The following KLK11 variants were observed in gnomAD, a reference collection of about 807,000 sequenced individuals.
KLK11 encodes the protein kallikrein-11.
Under a neutral mutation model 23.4 loss-of-function variants are expected in KLK11, and 10 were observed. The ratio of observed to expected loss-of-function variants is 0.43; its 90% CI spans 0.26 to 0.73. The LOEUF (loss-of-function observed/expected upper bound fraction) is 0.73, where lower values mean the gene tolerates loss of function less well. Ranked by LOEUF, KLK11 falls within the 30% of genes least tolerant of loss-of-function variation. The probability of loss-of-function intolerance (pLI) is 0.22; values close to 1 mark genes in which losing one functional copy is unlikely to be tolerated. For synonymous variants in KLK11, 131 were observed against 131.7 expected (o/e 0.99, Z 0.03); for missense variants, 285 against 327.8 (o/e 0.87, Z 1.01).
chr19:51,024,811 C>T lies in KLK11; in HGVS notation c.41-17G>A, dbSNP rs369745560. On this transcript the variant is annotated splice_polypyrimidine_tract_variant and intron_variant, in intron 2 of 5. Transcript: ENST00000453757. This position sits in a 1 kb window ranked among gnomAD's most constrained non-coding sequence, Gnocchi z 6.2. The stretch of plus-strand genomic sequence containing the variant: ...CTACAAGCCCTGGAGGGGGTGAGAG[C>T]AAAAGAAGGGGCTCAGGAAGGAGAG... 2.0e-5 allele frequency: 31 copies of T among 1,543,364 alleles called. No homozygotes were observed. The highest frequency in any genetic ancestry group is 2.5e-5 in the Non-Finnish European group (29 of 1,153,016).
At position 51,025,991 on chromosome 19, in the gene KLK11, G is replaced by A. The variant is rs1469833002; in HGVS notation, c.-35-325C>T. Among the ~76,000 whole-genome samples the A allele has an allele frequency of 6.6e-6, 1 of 152,150 alleles. No homozygotes were observed. Among genetic ancestry groups the A allele is most frequent in the African/African-American group, 2.4e-5 (1 of 41,440 alleles). ...TCAAGTCAGCCATGGGACCTCCCCG[G>A]CACATGTCAGAGGATGTTTTCCTTC... On this transcript the variant is annotated intron_variant, in intron 1 of 5. Coordinates refer to ENST00000453757, the MANE Select transcript of KLK11 (RefSeq NM_001136032.3). The surrounding 1 kb of genome is among the most constrained non-coding windows in gnomAD (Gnocchi z 6.2).
Position 51,022,693 on chromosome 19 carries a change from T to G in KLK11, c.605A>C (p.Asp202Ala). The G allele has an allele frequency of 6.2e-7, 1 of 1,612,476 alleles. No individual in the cohort carries two copies. Among genetic ancestry groups the G allele is most frequent in the South Asian group, 1.1e-5 (1 of 90,992 alleles). The change falls in exon 6 of 6, where the codon GAC becomes GCC. Residue 202 changes from aspartate (D) to alanine (A), a missense_variant. Transcript: ENST00000453757. ...QEGGKDSCQGDSGGPLVCNQS... is the reference protein window; with the variant it reads ...QEGGKDSCQGASGGPLVCNQS... The stretch of plus-strand genomic sequence containing the variant: ...GTTACAGACCAGAGGGCCCCCGGAG[T>G]CACCCTGGGCACGGGGAGAGAGAAT...
intron 4 of KLK11, 113 bp downstream of exon 4, chr19:51,023,932 A>C: frequency 1.0e-6 from 1 of 979,418 alleles, no homozygotes; most frequent in Non-Finnish European, 1.4e-6. Context: ...ACATCCTCTC[A>C]ACTTATCCCA....
rs2091453246 is a variant in KLK11, at chr19:51,024,609, C to A, written c.197+29G>T. ...CATCTCCCCATTCCCAGCCCCCCAC[C>A]CCGGCACCGCCCCAGCCCCCGCACC... On this transcript the variant is annotated intron_variant, in intron 3 of 5. Coordinates refer to ENST00000453757, the MANE Select transcript of KLK11 (RefSeq NM_001136032.3). This position sits in a 1 kb window ranked among gnomAD's most constrained non-coding sequence, Gnocchi z 6.2. 6.7e-7 allele frequency: 1 copy of A among 1,481,772 alleles called. No homozygotes were observed. Among genetic ancestry groups the A allele is most frequent in the Non-Finnish European group, 9.0e-7 (1 of 1,114,176 alleles). The allele number at this position is 1,481,772 out of a possible 1,614,324, so 91.8% of individuals were successfully genotyped here. A position where few individuals can be genotyped will look rare whatever the true frequency, so the allele number is the denominator to read the frequency against.
chr19:51,023,249 G>A lies in KLK11; in HGVS notation c.464-21C>T, dbSNP rs756728147. 1.9e-5 allele frequency: 30 copies of A among 1,609,182 alleles called. No individual in the cohort carries two copies. In the African/African-American group the frequency reaches 3.2e-4, roughly 17 times the overall value. ...GCGTACTGTGGAAACAGCGTGAGGGGCTGTGGGAATGAGCCCCCTGCCACC... is the reference window on the plus strand; with the variant it reads ...GCGTACTGTGGAAACAGCGTGAGGGACTGTGGGAATGAGCCCCCTGCCACC... On this transcript the variant is annotated intron_variant, in intron 4 of 5. Transcript: ENST00000453757.
At position 51,025,375 on chromosome 19, in the gene KLK11, C is replaced by G. The variant is rs1056645602; in HGVS notation, c.40+217G>C. ...AACTCCAGCTTCCTCAGCCCCTCCA[C>G]GGGACCCTTTACGACCCCCTTGACC... On this transcript the variant is annotated intron_variant, in intron 2 of 5. Transcript: ENST00000453757. The surrounding 1 kb of genome is among the most constrained non-coding windows in gnomAD (Gnocchi z 6.2). Among the ~76,000 whole-genome samples, 1 of 152,136 alleles carries G rather than the reference C, an allele frequency of 6.6e-6. No homozygotes were observed. The highest frequency in any genetic ancestry group is 1.5e-5 in the Non-Finnish European group (1 of 68,028).
At chr19:51,027,289 G>T, upstream of KLK11, 2 of 675,492 alleles carry the variant, frequency 3.0e-6, no homozygotes, top group Non-Finnish European at 5.1e-6. Context: ...AGGACCGGAG[G>T]GTGGGGGAGG....
chr19:51,025,831 A>C lies in KLK11; in HGVS notation c.-35-165T>G. On this transcript the variant is annotated intron_variant, in intron 1 of 5. Transcript: ENST00000453757. The surrounding 1 kb of genome is among the most constrained non-coding windows in gnomAD (Gnocchi z 6.2). ...TCTCACAGCACTCAGATCTCCAAAC[A>C]CTTAAAATATATCTTAGGTGTCTAG... 1 of 495,736 alleles carries C rather than the reference A, an allele frequency of 2.0e-6. No homozygotes were observed. The highest frequency in any genetic ancestry group is 3.6e-6 in the Non-Finnish European group (1 of 278,070). 30.7% of individuals were successfully genotyped at this position (495,736 alleles called of 1,614,324 possible). A position where few individuals can be genotyped will look rare whatever the true frequency, so the allele number is the denominator to read the frequency against.
rs762293192 is a variant in KLK11 at position 51,024,402 on chromosome 19, C to G, written c.198-92G>C. 8 of 1,547,692 alleles carry G rather than the reference C, an allele frequency of 5.2e-6. 1 individual carries two copies. The highest frequency in any genetic ancestry group is 5.2e-6 in the Non-Finnish European group (6 of 1,145,410). ...GACACCTTTGAGGATGAAGAAACATCGCTCTGCTTCCAACCTCTTCCACGT... is the reference window on the plus strand; with the variant it reads ...GACACCTTTGAGGATGAAGAAACATGGCTCTGCTTCCAACCTCTTCCACGT... On this transcript the variant is annotated intron_variant, in intron 3 of 5. Transcript: ENST00000453757. The surrounding 1 kb of genome is among the most constrained non-coding windows in gnomAD (Gnocchi z 6.2).
Position 51,024,186 on chromosome 19 carries a change from G to A in KLK11, c.322C>T (p.Arg108Cys), listed in dbSNP as rs757800111. The A allele has an allele frequency of 1.7e-5, 27 of 1,613,948 alleles. No individual in the cohort carries two copies. The East Asian group carries it at 3.6e-4, about 21-fold the overall frequency. ...ATCTTCACCAGCATGATGTCATTGC[G>A]GTGGTCTTTGTTGGGGAGGCTGTTG... The part of the protein sequence containing the change: ...FNNSLPNKDH[R>C]NDIMLVKMAS... The change falls in exon 4 of 6, where the codon CGC becomes TGC. Residue 108 changes from arginine to cysteine, a missense_variant. Transcript: ENST00000453757. This position sits in a 1 kb window ranked among gnomAD's most constrained non-coding sequence, Gnocchi z 6.2.
rs1171226580 is a variant in KLK11, at chr19:51,025,592, C to G, written c.40G>C (p.Gly14Arg). 6.3e-6 allele frequency: 10 copies of G among 1,577,312 alleles called. No individual in the cohort carries two copies. Among genetic ancestry groups the G allele is most frequent in the Non-Finnish European group, 8.6e-6 (10 of 1,160,246 alleles). Residue 14 changes from glycine (G) to arginine (R), a missense_variant and splice_region_variant, in exon 2 of 6, where the codon GGG (glycine) becomes CGG (arginine). Physicochemically the swap from Gly to Arg is moderately radical, Grantham distance 125. Transcript: ENST00000453757. This position sits in a 1 kb window ranked among gnomAD's most constrained non-coding sequence, Gnocchi z 6.2. ...TGCCCTGCCCCCATCCCCTGCGTAC[C>G]TGTTGCCAGAGCAAGCAGGATTAAC... ...LQLILLALAT[G>R]LVGGETRIIK...
In KLK11 at chr19:51,023,147, A is replaced by T; in HGVS notation, c.545T>A (p.Ile182Asn). ...GCTGGCACACACCATGGTGTCTGTGATGTTGCCGGGGTAGGCGTTCTCACA... is the reference window on the plus strand; with the variant it reads ...GCTGGCACACACCATGGTGTCTGTGTTGTTGCCGGGGTAGGCGTTCTCACA... The part of the protein sequence containing the change: ...QKCENAYPGN[I>N]TDTMVCASVQ... The change falls in exon 5 of 6, where the codon ATC becomes AAC. Residue 182 changes from isoleucine to asparagine, a missense_variant. Ile to Asn is a moderately radical substitution (Grantham distance 149). Coordinates refer to ENST00000453757, the MANE Select transcript of KLK11 (RefSeq NM_001136032.3). 6.2e-7 allele frequency: 1 copy of T among 1,613,470 alleles called. No individual in the cohort carries two copies. The highest frequency in any genetic ancestry group is 8.5e-7 in the Non-Finnish European group (1 of 1,179,808).
In KLK11 at chr19:51,024,757, G is replaced by C. The variant is rs769371815; in HGVS notation, c.78C>G (p.Phe26Leu). Residue 26 changes from phenylalanine (F) to leucine (L), a missense_variant, in exon 3 of 6, where the codon TTC (phenylalanine) becomes TTG (leucine). Phe to Leu is a conservative substitution (Grantham distance 22, BLOSUM62 0). Transcript: ENST00000453757. This position sits in a 1 kb window ranked among gnomAD's most constrained non-coding sequence, Gnocchi z 6.2. ...VGGETRIIKG[F>L]ECKPHSQPWQ... ...AGGGCTGGGAGTGAGGCTTGCACTC[G>C]AACCCCTTGATGATCCTGGTCTCTC... 3 of 1,601,722 alleles carry C rather than the reference G, an allele frequency of 1.9e-6. No homozygotes were observed. The African/African-American group carries it at 4.1e-5, about 22-fold the overall frequency.
Position 51,022,554 on chromosome 19 carries a change from C to T in KLK11, c.744G>A (p.Lys248=), listed in dbSNP as rs536134916. The change falls in exon 6 of 6, where the codon AAG becomes AAA. Residue 248 remains lysine, a synonymous_variant. Coordinates refer to ENST00000453757, the MANE Select transcript of KLK11 (RefSeq NM_001136032.3). ...KYVDWIQETM[K]NN ...GGTGGGTGGGTCCAGTCTAATTGTT[C>T]TTCATCGTCTCCTGGATCCAGTCCA... The T allele has an allele frequency of 6.2e-7, 1 of 1,614,070 alleles. No individual in the cohort carries two copies.
intron 4 of KLK11, 66 bp from the exon 5 acceptor site, chr19:51,023,294 C>A: frequency 6.4e-7 from 1 of 1,562,182 alleles, no homozygotes; most frequent in Non-Finnish European, 8.7e-7. Context: ...GCAGTGCTTG[C>A]TGTGATCCCG....
chr19:51,027,444 G>A (rs779255686), upstream of KLK11: 1 of 1,613,542 alleles, frequency 6.2e-7, no homozygotes, highest in Admixed American at 1.7e-5. Context: ...CCCGAGTCCA[G>A]CTGTTCACTT....
rs949356734 is a variant in KLK11 at position 51,026,474 on chromosome 19, G to A, written c.-36+64C>T. 6 of 733,766 alleles carry A rather than the reference G, an allele frequency of 8.2e-6. No homozygotes were observed. The African/African-American group carries it at 1.1e-4, about 14-fold the overall frequency. The allele number at this position is 733,766 out of a possible 1,614,324, so 45.5% of individuals were successfully genotyped here. Reference sequence around the variant, plus strand: ...AGAAATGGGTGCCCGAGTGGGACAGGTGTCCTTGGGGAGGGCTGACACCTG... The same window carrying A: ...AGAAATGGGTGCCCGAGTGGGACAGATGTCCTTGGGGAGGGCTGACACCTG... On this transcript the variant is annotated intron_variant, in intron 1 of 5. Transcript: ENST00000453757.
In KLK11 at chr19:51,025,026, G is replaced by A. The variant is rs1279825242; in HGVS notation, c.41-232C>T. Among the ~76,000 whole-genome samples, 1 of 152,172 alleles carries A rather than the reference G, an allele frequency of 6.6e-6. No individual in the cohort carries two copies. The highest frequency in any genetic ancestry group is 2.4e-5 in the African/African-American group (1 of 41,436). ...TAATCCCAGCACTTTGAGAGGCTAA[G>A]GTGGGAGGATTACTTGAGCCCAGGA... On this transcript the variant is annotated intron_variant, in intron 2 of 5. Transcript: ENST00000453757. This position sits in a 1 kb window ranked among gnomAD's most constrained non-coding sequence, Gnocchi z 6.2.
At chr19:51,022,757 G>C (rs375574285) in intron 5 of KLK11, 60 bp from the exon 6 acceptor site, 3 of 1,592,204 alleles carry the variant, frequency 1.9e-6, no homozygotes, top group South Asian at 1.1e-5. Flanking sequence ...GTTAGCCAGG[G>C]AGGAGGTGGG....
Sources: allele counts gnomAD v4.1 joint callset (sites outside exome capture counted in the v4.1 genomes callset), GRCh38; gene constraint gnomAD v4.1.1; non-coding constraint Gnocchi (gnomAD v3.1); transcripts MANE v1.5; gene names NCBI Gene and HGNC (gene_info 2026-07-23, HGNC 2026-07-21).